The following ADH1C variants were observed in gnomAD, a reference collection of about 807,000 sequenced individuals.
ADH1C encodes the protein alcohol dehydrogenase 1C.
ADH1C carries 26 observed loss-of-function variants against 35.0 expected under a neutral mutation model. That is an observed-to-expected ratio of 0.74 (90% CI 0.54 to 1.03). The LOEUF (loss-of-function observed/expected upper bound fraction) is 1.03, where lower values mean the gene tolerates loss of function less well. Among genes scored for constraint, ADH1C ranks in the 50% least tolerant of loss-of-function variants. The probability of loss-of-function intolerance (pLI) is 0.00; values close to 1 mark genes in which losing one functional copy is unlikely to be tolerated. For missense variants in ADH1C, 413 were observed against 465.4 expected (o/e 0.89, Z 1.04); for synonymous variants, 170 against 169.3 (o/e 1.00, Z -0.03).
intron 1 of ADH1C, among the ~76,000 whole-genome samples, chr4:99,349,751 TAGATTTGAGCCCAAAATTAC>T (rs1734631514): frequency 1.3e-5 from 2 of 152,128 alleles, no homozygotes. Flanking sequence ...CCTTCCAGCT[TAGATTTGAGCCCAAAATTAC>T]AGAGGTTAGA....
chr4:99,349,825 G>C (rs1734634456), intron 1 of ADH1C, among the ~76,000 whole-genome samples: 1 of 150,218 alleles, frequency 6.7e-6, no homozygotes, highest in Admixed American at 6.7e-5. Flanking sequence ...GTGTGTGTGT[G>C]TGCATTCAGA....
chr4:99,339,429 T>C, intron 8 of ADH1C, 148 bp downstream of exon 8: 5 of 705,410 alleles, frequency 7.1e-6, no homozygotes, highest in South Asian at 2.1e-5. Context: ...ATGTGCTCCA[T>C]GCAAAGATTG....
rs35801274 is a variant in ADH1C at position 99,339,146 on chromosome 4, A to T, written c.1103+431T>A. Among the ~76,000 whole-genome samples, 878 of 152,284 alleles carry T rather than the reference A, an allele frequency of 5.8e-3. 9 individuals are homozygous for T. The highest frequency in any genetic ancestry group is 0.02 in the African/African-American group (819 of 41,564). On this transcript the variant is annotated intron_variant, in intron 8 of 8. Coordinates refer to ENST00000515683, the MANE Select transcript of ADH1C (RefSeq NM_000669.5). ...TGTAGTTCCACCTACTCCCATAATGAATATGCTGAGGATGTCCTGAAAATA... is the reference window on the plus strand; with the variant it reads ...TGTAGTTCCACCTACTCCCATAATGTATATGCTGAGGATGTCCTGAAAATA...
rs1173779287 is a variant in ADH1C, at chr4:99,347,765, C to A, written c.100G>T (p.Ala34Ser). 2 of 1,613,036 alleles carry A rather than the reference C, an allele frequency of 1.2e-6. No homozygotes were observed. Among genetic ancestry groups the A allele is most frequent in the Admixed American group, 1.7e-5 (1 of 59,994 alleles). ...IEEVEVAPPK[A>S]HEVRIKMVAA... ...TTCACCTTAATGCGAACTTCATGAG[C>A]CTTAGGAGGTGCAACCTCTACCTCC... The change falls in exon 2 of 9, where the codon GCT (alanine) becomes TCT (serine). Residue 34 changes from alanine to serine, a missense_variant. Coordinates refer to ENST00000515683, the MANE Select transcript of ADH1C (RefSeq NM_000669.5).
At chr4:99,350,495 GGTTTTCCATTCCTGA>G (rs1056589298) in intron 1 of ADH1C, among the ~76,000 whole-genome samples, 24 of 152,222 alleles carry the variant, frequency 1.6e-4, no homozygotes, top group Admixed American at 1.5e-3. Flanking sequence ...TATGGTATTT[GGTTTTCCATTCCTGA>G]GTTACTTCAC....
chr4:99,346,353 A>C (rs1411617335), intron 3 of ADH1C, among the ~76,000 whole-genome samples: 1 of 152,218 alleles, frequency 6.6e-6, no homozygotes, highest in African/African-American at 2.4e-5. Context: ...TAAAATAATT[A>C]GTAATCCATA....
chr4:99,346,982 G>A, intron 3 of ADH1C, 24 bp downstream of exon 3: 2 of 1,609,896 alleles, frequency 1.2e-6, no homozygotes, highest in East Asian at 4.5e-5. Context: ...ACCAAGGCAT[G>A]TTCCCTGAGT....
chr4:99,337,834 A>T (rs911165934), intron 8 of ADH1C, among the ~76,000 whole-genome samples: 2 of 152,040 alleles, frequency 1.3e-5, no homozygotes, highest in Non-Finnish European at 2.9e-5. Flanking sequence ...TTATGAGTTT[A>T]AAATTACATT....
intron 8 of ADH1C, among the ~76,000 whole-genome samples, chr4:99,338,566 C>CTCTGCT (rs1041333762): frequency 2.0e-5 from 3 of 149,152 alleles, no homozygotes; most frequent in Non-Finnish European, 4.5e-5. Flanking sequence ...GTCATGCCTT[C>CTCTGCT]TCTGCTTCTT....
intron 1 of ADH1C, among the ~76,000 whole-genome samples, chr4:99,351,680 A>G (rs1734682362): frequency 6.6e-6 from 1 of 152,234 alleles, no homozygotes; most frequent in Non-Finnish European, 1.5e-5. Flanking sequence ...AGTCTTATTG[A>G]CATGAGCCTG....
chr4:99,352,242 AAAT>A (rs1361546252), intron 1 of ADH1C, among the ~76,000 whole-genome samples: 1 of 152,242 alleles, frequency 6.6e-6, no homozygotes, highest in Non-Finnish European at 1.5e-5. Context: ...ATATGAATAC[AAAT>A]AATAACACAT....
At position 99,347,077 on chromosome 4, in the gene ADH1C, G is replaced by A; in HGVS notation, c.188C>T (p.Pro63Leu). 1 of 1,614,086 alleles carries A rather than the reference G, an allele frequency of 6.2e-7. No homozygotes were observed. Among genetic ancestry groups the A allele is most frequent in the Non-Finnish European group, 8.5e-7 (1 of 1,180,022 alleles). Residue 63 changes from proline to leucine, a missense_variant, in exon 3 of 9, where the codon CCT becomes CTT. By Grantham distance (98) the Pro-to-Leu change is moderately conservative. Coordinates refer to ENST00000515683, the MANE Select transcript of ADH1C (RefSeq NM_000669.5). Reference protein sequence around the residue: ...VVSGNLVTPLPVILGHEAAGI... With the variant: ...VVSGNLVTPLLVILGHEAAGI... ...GGCTGCCTCATGGCCTAAAATCACA[G>A]GAAGGGGGGTCACCAGGTTGCCACT... is the stretch of plus-strand genomic sequence containing the variant.
chr4:99,343,937 G>A (rs184779735), intron 5 of ADH1C, among the ~76,000 whole-genome samples: 1 of 152,222 alleles, frequency 6.6e-6, no homozygotes, highest in African/African-American at 2.4e-5. Context: ...ATTCCCTTAA[G>A]GGTGTCTATT....
chr4:99,352,305 C>T (rs920453423), intron 1 of ADH1C, among the ~76,000 whole-genome samples: 1 of 152,062 alleles, frequency 6.6e-6, no homozygotes, highest in African/African-American at 2.4e-5. Flanking sequence ...AAAGACTTTT[C>T]TAACTTTAGG....
chr4:99,338,622 G>A (rs570791219), intron 8 of ADH1C, among the ~76,000 whole-genome samples: 9 of 149,210 alleles, frequency 6.0e-5, no homozygotes, highest in East Asian at 2.0e-4. Context: ...GACACTGAGC[G>A]TTGTTTGGGA....
chr4:99,339,816 T>G, intron 7 of ADH1C, 101 bp from the exon 8 acceptor site: 1 of 1,138,056 alleles, frequency 8.8e-7, no homozygotes, highest in Non-Finnish European at 1.3e-6. Context: ...AAGTGCTGCA[T>G]TCCAGACTGC....
chr4:99,342,706 T>C (rs888432558), intron 6 of ADH1C, 89 bp downstream of exon 6: 8 of 1,537,828 alleles, frequency 5.2e-6, no homozygotes, highest in Non-Finnish European at 7.0e-6. Context: ...ATTAAAAATA[T>C]CCTTTATACA....
chr4:99,347,897 C>T (rs370777332), intron 1 of ADH1C, 51 bp from the exon 2 acceptor site: 375 of 1,601,250 alleles, frequency 2.3e-4, no homozygotes, highest in Non-Finnish European at 3.0e-4. Context: ...CGCTTGCAGT[C>T]AGAAATTGTG....
Position 99,344,982 on chromosome 4 carries a change from C to G in ADH1C, c.447G>C (p.Gln149His). 3 of 1,614,204 alleles carry G rather than the reference C, an allele frequency of 1.9e-6. No homozygotes were observed. Among genetic ancestry groups the G allele is most frequent in the Non-Finnish European group, 2.5e-6 (3 of 1,180,038 alleles). Residue 149 changes from glutamine to histidine, a missense_variant, in exon 5 of 9, where the codon CAG (glutamine) becomes CAC (histidine). Physicochemically the swap from Gln to His is conservative, Grantham distance 24. Transcript: ENST00000515683. Reference sequence around the variant, plus strand: ...CTGCATTCTCATCCACCACTGTGTACTGGGAGAAGGTGCTGACGCCGACGA... The same window carrying G: ...CTGCATTCTCATCCACCACTGTGTAGTGGGAGAAGGTGCTGACGCCGACGA... ...HHFVGVSTFS[Q>H]YTVVDENAVA...
Sources: gnomAD v4.1 joint callset for allele counts (sites outside exome capture counted in the v4.1 genomes callset) on GRCh38, gnomAD v4.1.1 for gene constraint, MANE v1.5 for transcripts, NCBI Gene and HGNC (gene_info 2026-07-23, HGNC 2026-07-21) for gene names.